Variants in FILIP1L observed in about 807,000 individuals in gnomAD.
FILIP1L encodes filamin A interacting protein 1 like, also known as filamin A-interacting protein 1-like.
A neutral mutation model predicts 96.6 loss-of-function variants in FILIP1L; 55 were observed. The observed-to-expected ratio is 0.57, with a 90% CI of 0.46 to 0.71. FILIP1L has a LOEUF of 0.71. Among genes scored for constraint, FILIP1L ranks in the 30% least tolerant of loss-of-function variants. The probability of loss-of-function intolerance (pLI) is 0.00; values close to 1 mark genes in which losing one functional copy is unlikely to be tolerated. For synonymous variants in FILIP1L, 467 were observed against 473.9 expected (o/e 0.99, Z 0.19); for missense variants, 1,304 against 1,321.2 (o/e 0.99, Z 0.20).
intron 1 of FILIP1L, among the ~76,000 whole-genome samples, chr3:99,945,853 C>T (rs1707992025): frequency 6.6e-6 from 1 of 152,322 alleles, no homozygotes; most frequent in South Asian, 2.1e-4. Context: ...GTTCCCACCT[C>T]TTATGCGAAA....
At chr3:100,069,247 T>G (rs2065720516) in intron 1 of FILIP1L, among the ~76,000 whole-genome samples, 1 of 152,130 alleles carries the variant, frequency 6.6e-6, no homozygotes, top group African/African-American at 2.4e-5. Flanking sequence ...GTTAGTTGCA[T>G]TCTTTCTATC....
At chr3:99,975,478 G>A (rs1338288561) in intron 1 of FILIP1L, among the ~76,000 whole-genome samples, 1 of 151,982 alleles carries the variant, frequency 6.6e-6, no homozygotes, top group Non-Finnish European at 1.5e-5. Flanking sequence ...TGTAATCCCA[G>A]CTACTCGGGA....
At chr3:100,080,302 T>C (rs916914203) in intron 1 of FILIP1L, among the ~76,000 whole-genome samples, 3 of 151,096 alleles carry the variant, frequency 2.0e-5, no homozygotes, top group Non-Finnish European at 4.4e-5. Context: ...CTTAAAGCTC[T>C]CATAACCTAG....
At chr3:99,918,254 G>T (rs1375504469) in intron 4 of FILIP1L, among the ~76,000 whole-genome samples, 2 of 152,114 alleles carry the variant, frequency 1.3e-5, no homozygotes, top group East Asian at 3.9e-4. Flanking sequence ...AGGATTACAG[G>T]TGTGAGCCAC....
chr3:100,039,225 G>A (rs2065160476), intron 1 of FILIP1L, among the ~76,000 whole-genome samples: 2 of 152,122 alleles, frequency 1.3e-5, no homozygotes, highest in South Asian at 4.1e-4. Context: ...ATCTAATTCA[G>A]TTAGTCTGCT....
At position 100,048,300 on chromosome 3, in the gene FILIP1L, T is replaced by G. The variant is rs555353139; in HGVS notation, c.-11+65753A>C. On this transcript the variant is annotated intron_variant, in intron 1 of 5. Transcript: ENST00000477258. ...GTTTATCCCTTAATTTGGTTATGCT[T>G]TAGTCCCAGAGGCCCCTCATTTCTC... is the stretch of plus-strand genomic sequence containing the variant. Among the ~76,000 whole-genome samples, 6 of 152,350 alleles carry G rather than the reference T, an allele frequency of 3.9e-5. No homozygotes were observed. In the South Asian group the frequency reaches 1.2e-3, roughly 32 times the overall value.
intron 1 of FILIP1L, among the ~76,000 whole-genome samples, chr3:100,094,669 GCTGCCT>G (rs2066170993): frequency 7.6e-6 from 1 of 131,874 alleles, no homozygotes; most frequent in Non-Finnish European, 1.6e-5. Flanking sequence ...TGTTGGAAAA[GCTGCCT>G]TTTTTTTTTT....
intron 4 of FILIP1L, among the ~76,000 whole-genome samples, chr3:99,919,910 C>T (rs1471014839): frequency 6.6e-6 from 1 of 152,188 alleles, no homozygotes. Context: ...GCCCTAAGGC[C>T]TCTGCACCAC....
At chr3:100,090,252 A>C (rs1338330837) in intron 1 of FILIP1L, among the ~76,000 whole-genome samples, 1 of 152,192 alleles carries the variant, frequency 6.6e-6, no homozygotes, top group Non-Finnish European at 1.5e-5. Flanking sequence ...GTTTTCTTCA[A>C]GATTCAAATT....
intron 1 of FILIP1L, among the ~76,000 whole-genome samples, chr3:99,970,249 T>G (rs1293881041): frequency 6.6e-6 from 1 of 152,252 alleles, no homozygotes; most frequent in Non-Finnish European, 1.5e-5. Flanking sequence ...TGATAAGTTT[T>G]GGAGCTCAGT....
intron 1 of FILIP1L, among the ~76,000 whole-genome samples, chr3:99,935,742 A>G (rs1707645083): frequency 6.6e-6 from 1 of 152,244 alleles, no homozygotes; most frequent in Non-Finnish European, 1.5e-5. Context: ...ATGGATACAA[A>G]TACAGTGCAG....
intron 4 of FILIP1L, among the ~76,000 whole-genome samples, chr3:99,896,537 G>A (rs770697930): frequency 1.3e-5 from 2 of 152,124 alleles, no homozygotes; most frequent in Non-Finnish European, 2.9e-5. Flanking sequence ...AAAAGAGAAC[G>A]TAGTCAGGAA....
Position 99,876,115 on chromosome 3 carries a change from C to G in FILIP1L, c.606-25045G>C, listed in dbSNP as rs1705503024. The G allele has an allele frequency of 4.1e-6, 4 of 986,266 alleles. No homozygotes were observed. In the Admixed American group the frequency reaches 2.5e-4, roughly 61 times the overall value. 61.1% of individuals were successfully genotyped at this position (986,266 alleles called of 1,614,324 possible). ...GGCCGGGCGGGGGCCGGGCCGGGGC[C>G]GCTGTAGTGCCGCGCTGCGAGCCGA... On this transcript the variant is annotated intron_variant, in intron 4 of 5. Transcript: ENST00000477258.
intron 1 of FILIP1L, among the ~76,000 whole-genome samples, chr3:100,043,573 A>G (rs892776429): frequency 6.6e-6 from 1 of 152,144 alleles, no homozygotes. Context: ...CCTTTTAACC[A>G]TCTAACTAGC....
intron 3 of FILIP1L, among the ~76,000 whole-genome samples, chr3:99,928,600 A>C (rs1263950807): frequency 6.6e-6 from 1 of 152,206 alleles, no homozygotes; most frequent in Non-Finnish European, 1.5e-5. Context: ...TTTTGTAATT[A>C]AATTTTTTCC....
intron 4 of FILIP1L, among the ~76,000 whole-genome samples, chr3:99,878,322 A>G (rs1306768586): frequency 6.6e-6 from 1 of 152,192 alleles, no homozygotes; most frequent in African/African-American, 2.4e-5. Flanking sequence ...AATCTTCACA[A>G]CACATTTTGA....
chr3:99,852,756 A>G (rs776723531), intron 4 of FILIP1L, among the ~76,000 whole-genome samples: 149 of 152,106 alleles, frequency 9.8e-4, no homozygotes, highest in Non-Finnish European at 1.8e-3. Flanking sequence ...AGAACATTTT[A>G]AAAGGAAACT....
chr3:99,864,301 T>C (rs1204112598), intron 4 of FILIP1L, among the ~76,000 whole-genome samples: 2 of 152,074 alleles, frequency 1.3e-5, no homozygotes, highest in African/African-American at 4.8e-5. Flanking sequence ...GGTACTAGAG[T>C]GTGAGACTTG....
chr3:99,996,985 T>C (rs1031528713), intron 1 of FILIP1L, among the ~76,000 whole-genome samples: 1 of 152,196 alleles, frequency 6.6e-6, no homozygotes, highest in African/African-American at 2.4e-5. Flanking sequence ...TAACCTATGG[T>C]ATACAGCACA....
Sources: gnomAD v4.1 joint callset for allele counts (sites outside exome capture counted in the v4.1 genomes callset) on GRCh38, gnomAD v4.1.1 for gene constraint, MANE v1.5 for transcripts, NCBI Gene and HGNC (gene_info 2026-07-23, HGNC 2026-07-21) for gene names.